KIAA0825: variants seen among roughly 807,000 people sequenced by gnomAD.
KIAA0825 encodes KIAA0825.
A neutral mutation model predicts 147.6 loss-of-function variants in KIAA0825; 119 were observed. The observed-to-expected ratio is 0.81, with a 90% CI of 0.69 to 0.94. KIAA0825 has a LOEUF of 0.94. KIAA0825 is among the 40% of genes least tolerant of loss of function. KIAA0825 has a pLI of 0.00. For synonymous variants in KIAA0825, 470 were observed against 518.1 expected (o/e 0.91, Z 1.26); for missense variants, 1,381 against 1,472.7 (o/e 0.94, Z 1.02).
intron 20 of KIAA0825, among the ~76,000 whole-genome samples, chr5:94,242,631 CCTTTT>C (rs1221371153): frequency 1.3e-5 from 2 of 149,792 alleles, no homozygotes; most frequent in Admixed American, 6.7e-5. Context: ...CCTTTCCTTT[CCTTTT>C]GCTTTTTCCT....
chr5:94,193,279 G>A (rs1458858027), intron 20 of KIAA0825, among the ~76,000 whole-genome samples: 4 of 152,152 alleles, frequency 2.6e-5, no homozygotes, highest in Non-Finnish European at 5.9e-5. Flanking sequence ...AACAGCATCT[G>A]TGACCTCTAG....
chr5:94,281,932 C>G (rs1339192624), intron 20 of KIAA0825, among the ~76,000 whole-genome samples: 1 of 152,106 alleles, frequency 6.6e-6, no homozygotes, highest in East Asian at 1.9e-4. Flanking sequence ...CCTTCCAAGT[C>G]TGACTTAATC....
chr5:94,153,804 A>T lies in KIAA0825; in HGVS notation c.*203T>A. On this transcript the variant is annotated 3_prime_UTR_variant, in exon 21 of 21. Transcript: ENST00000682413. ...ATAAAGAGAAAGATTGGGGAAAGAA[A>T]AACATTTGAAATTATTTTTAAAATA... 2.4e-6 allele frequency: 1 copy of T among 411,574 alleles called. No individual in the cohort carries two copies. The highest frequency in any genetic ancestry group is 6.3e-4 in the Middle Eastern group (1 of 1,582). 25.5% of individuals were successfully genotyped at this position (411,574 alleles called of 1,614,324 possible).
At chr5:94,245,084 C>T (rs1381488513) in intron 20 of KIAA0825, among the ~76,000 whole-genome samples, 1 of 152,110 alleles carries the variant, frequency 6.6e-6, no homozygotes, top group Non-Finnish European at 1.5e-5. Flanking sequence ...GGTATCTTAT[C>T]TTCTTCACAT....
In KIAA0825 at chr5:94,273,253, A is replaced by G. The variant is rs111691038; in HGVS notation, c.3710+111115T>C. Among the ~76,000 whole-genome samples, 4 of 152,212 alleles carry G rather than the reference A, an allele frequency of 2.6e-5. No individual in the cohort carries two copies. In the East Asian group the frequency reaches 7.7e-4, roughly 29 times the overall value. Reference sequence around the variant, plus strand: ...GTTACTACAGTGCCTTGCACATAGTAAGAACTCAAAAAATGTTAGCTATTA... The same window carrying G: ...GTTACTACAGTGCCTTGCACATAGTGAGAACTCAAAAAATGTTAGCTATTA... On this transcript the variant is annotated intron_variant, in intron 20 of 20. Coordinates refer to ENST00000682413, the MANE Select transcript of KIAA0825 (RefSeq NM_001145678.3).
At chr5:94,372,872 G>A (rs759823667) in intron 20 of KIAA0825, among the ~76,000 whole-genome samples, 5 of 151,816 alleles carry the variant, frequency 3.3e-5, no homozygotes, top group South Asian at 2.1e-4. Context: ...TTCTGCTTCC[G>A]CTTGAATGCT....
chr5:94,350,931 C>T (rs560238481), intron 20 of KIAA0825, among the ~76,000 whole-genome samples: 71 of 149,666 alleles, frequency 4.7e-4, no homozygotes, highest in South Asian at 1.7e-3. Context: ...TTGTTGCCCA[C>T]GCTGGAGTGC....
chr5:94,325,541 T>C (rs1780603081), intron 20 of KIAA0825, among the ~76,000 whole-genome samples: 1 of 151,984 alleles, frequency 6.6e-6, no homozygotes, highest in African/African-American at 2.4e-5. Flanking sequence ...TGCACATACA[T>C]GTTGATGTAT....
chr5:94,578,575 C>G (rs1221159020), intron 2 of KIAA0825, among the ~76,000 whole-genome samples: 1 of 152,012 alleles, frequency 6.6e-6, no homozygotes, highest in Non-Finnish European at 1.5e-5. Flanking sequence ...CCTTGCATCC[C>G]TGCTTATGTT....
intron 19 of KIAA0825, among the ~76,000 whole-genome samples, chr5:94,385,350 A>T (rs1306638436): frequency 6.6e-6 from 1 of 152,154 alleles, no homozygotes; most frequent in Non-Finnish European, 1.5e-5. Context: ...GGAGAATTCC[A>T]CCCTGGGTTG....
chr5:94,155,255 T>G (rs1766933915), intron 20 of KIAA0825, among the ~76,000 whole-genome samples: 1 of 150,318 alleles, frequency 6.7e-6, no homozygotes, highest in Non-Finnish European at 1.5e-5. Flanking sequence ...TCTCCCTCTG[T>G]TACCCAGGCT....
At chr5:94,491,543 A>C (rs1358025243) in intron 5 of KIAA0825, among the ~76,000 whole-genome samples, 1 of 152,130 alleles carries the variant, frequency 6.6e-6, no homozygotes. Context: ...CATGATCCTG[A>C]GTTTGTAAAG....
chr5:94,613,319 C>T (rs564664035), intron 1 of KIAA0825, among the ~76,000 whole-genome samples: 2 of 152,126 alleles, frequency 1.3e-5, no homozygotes, highest in African/African-American at 4.8e-5. Flanking sequence ...CCTTAGACTC[C>T]AGGAGTAGCT....
At chr5:94,271,446 G>T in intron 20 of KIAA0825, among the ~76,000 whole-genome samples, 1 of 152,062 alleles carries the variant, frequency 6.6e-6, no homozygotes, top group East Asian at 1.9e-4. Flanking sequence ...ATTTAAAAAT[G>T]ATCAAAAGAT....
rs139939449 is a variant in KIAA0825, at chr5:94,426,447, T to C, written c.2498-9082A>G. Among the ~76,000 whole-genome samples the C allele has an allele frequency of 4.1e-3, 626 of 152,240 alleles. 7 individuals carry two copies. Among genetic ancestry groups the C allele is most frequent in the Middle Eastern group, 0.024 (7 of 294 alleles). On this transcript the variant is annotated intron_variant, in intron 14 of 20. Coordinates refer to ENST00000682413, the MANE Select transcript of KIAA0825 (RefSeq NM_001145678.3). ...GGTCATTATTTTACGTGAAATAAGT[T>C]AGGCACAGGAAGACAAATACCATAT...
At chr5:94,154,732 G>A (rs558975384) in intron 20 of KIAA0825, among the ~76,000 whole-genome samples, 26 of 152,156 alleles carry the variant, frequency 1.7e-4, no homozygotes, top group South Asian at 2.1e-4. Context: ...ATGATTAAGC[G>A]ATACAGAATA....
At chr5:94,396,076 C>T (rs753028681) in intron 17 of KIAA0825, 25 bp downstream of exon 17, 69 of 1,404,956 alleles carry the variant, frequency 4.9e-5, no homozygotes, top group Non-Finnish European at 6.4e-5. Flanking sequence ...TGATGAAATC[C>T]AATAAGAGAA....
chr5:94,614,218 T>C (rs1459082449), intron 1 of KIAA0825, among the ~76,000 whole-genome samples: 1 of 152,196 alleles, frequency 6.6e-6, no homozygotes, highest in Admixed American at 6.5e-5. Context: ...TATTATTTCA[T>C]TTTTATTTTA....
chr5:94,438,813 T>G (rs953651694), intron 14 of KIAA0825, among the ~76,000 whole-genome samples: 1 of 152,158 alleles, frequency 6.6e-6, no homozygotes, highest in Non-Finnish European at 1.5e-5. Flanking sequence ...ATTTGTATAC[T>G]AACAGGCTGG....
Sources: allele counts gnomAD v4.1 joint callset (sites outside exome capture counted in the v4.1 genomes callset), GRCh38; gene constraint gnomAD v4.1.1; transcripts MANE v1.5; gene names NCBI Gene and HGNC (gene_info 2026-07-23, HGNC 2026-07-21).